The following CHM variants were observed in gnomAD, a reference collection of about 807,000 sequenced individuals.
The protein encoded by CHM is CHM Rab escort protein, also known as rab proteins geranylgeranyltransferase component A 1.
CHM carries 10 observed loss-of-function variants against 49.0 expected under a neutral mutation model. The observed-to-expected ratio is 0.20, with a 90% confidence interval of 0.13 to 0.35. The LOEUF (loss-of-function observed/expected upper bound fraction) is 0.35, where lower values mean the gene tolerates loss of function less well. Ranked by LOEUF, CHM falls within the 10% of genes least tolerant of loss-of-function variation. The pLI is 1.00. For synonymous variants in CHM, 184 were observed against 167.5 expected, an observed-to-expected ratio of 1.10 and a Z score of -0.76; for missense variants, 455 against 478.4, an observed-to-expected ratio of 0.95 and a Z score of 0.46.
At chrX:86,023,397 C>T (rs1933683743) in intron 2 of CHM, among the ~76,000 whole-genome samples, 1 of 110,754 alleles carries the variant, frequency 9.0e-6, no homozygotes, top group African/African-American at 3.3e-5. Context: ...ATGTTACTCC[C>T]AGCTCCAACC....
chrX:86,034,048 T>C (rs769573103), intron 1 of CHM, among the ~76,000 whole-genome samples: 15 of 111,843 alleles, frequency 1.3e-4, no homozygotes, highest in Non-Finnish European at 2.4e-4. Context: ...TCAAGAGTAC[T>C]GAATTAAGAA....
At chrX:85,969,015 G>A (rs1012204762) in intron 4 of CHM, 1 of 528,038 alleles carries the variant, frequency 1.9e-6, no homozygotes, top group Middle Eastern at 1.2e-3. Context: ...AGAAGTATTA[G>A]TGTTCGAGAA....
At chrX:85,867,662 G>C (rs1923782628) in intron 14 of CHM, among the ~76,000 whole-genome samples, 2 of 111,754 alleles carry the variant, frequency 1.8e-5, no homozygotes, top group East Asian at 5.6e-4. Flanking sequence ...CTGGCTCTAC[G>C]ATTTAGCAGT....
chrX:85,913,332 A>AAAAAAAAAAAGAAAG (rs762266365), intron 8 of CHM, among the ~76,000 whole-genome samples: 1 of 23,410 alleles, frequency 4.3e-5, no homozygotes, highest in African/African-American at 1.4e-4. Context: ...AAAAAAAAAA[A>AAAAAAAAAAAGAAAG]AAAGAAAGAA....
intron 1 of CHM, among the ~76,000 whole-genome samples, chrX:86,039,799 G>C (rs908422677): frequency 1.2e-4 from 13 of 111,519 alleles, no homozygotes; most frequent in African/African-American, 4.2e-4. Flanking sequence ...TTGGACATTA[G>C]AGACTACAGC....
At chrX:85,876,798 C>T (rs922378558) in intron 13 of CHM, among the ~76,000 whole-genome samples, 1 of 111,252 alleles carries the variant, frequency 9.0e-6, no homozygotes, top group Non-Finnish European at 1.9e-5. Flanking sequence ...AATGGGATCA[C>T]TTTAACTATT....
rs776869921 is a variant in CHM, at chrX:85,891,225, A to AACT, written c.1510+2962_1510+2963insAGT. On this transcript the variant is annotated intron_variant, in intron 12 of 14. Coordinates refer to ENST00000357749, the MANE Select transcript of CHM (RefSeq NM_000390.4). ...ATTTGCAGCTTGACGATGCAGTAGAAAACACATTTTTTGAGGAGAAATTCA... is the reference window on the plus strand; with the variant it reads ...ATTTGCAGCTTGACGATGCAGTAGAAACTAACACATTTTTTGAGGAGAAATTCA... Among the ~76,000 whole-genome samples, 490 of 112,415 alleles carry AACT rather than the reference A, an allele frequency of 4.4e-3. 1 individual carries two copies. Among genetic ancestry groups the AACT allele is most frequent in the Non-Finnish European group, 6.6e-3 (351 of 53,274 alleles).
intron 5 of CHM, among the ~76,000 whole-genome samples, chrX:85,961,196 C>T (rs1930275856): frequency 9.1e-6 from 1 of 110,167 alleles, no homozygotes; most frequent in Non-Finnish European, 1.9e-5. Flanking sequence ...CCAAGGCAGG[C>T]AGGTCACGGG....
intron 14 of CHM, among the ~76,000 whole-genome samples, chrX:85,868,018 A>AGTGT (rs1569391025): frequency 3.3e-4 from 29 of 87,154 alleles, no homozygotes; most frequent in African/African-American, 1.1e-3. Context: ...AATAGTTACC[A>AGTGT]CTGTGTGTGT....
intron 8 of CHM, among the ~76,000 whole-genome samples, chrX:85,942,348 A>T (rs1929160081): frequency 9.6e-6 from 1 of 103,875 alleles, no homozygotes; most frequent in African/African-American, 3.5e-5. Context: ...TTCCTTTTAT[A>T]AGGTCTTAAG....
At chrX:85,992,178 A>T (rs1932231044) in intron 2 of CHM, among the ~76,000 whole-genome samples, 1 of 111,910 alleles carries the variant, frequency 8.9e-6, no homozygotes, top group Non-Finnish European at 1.9e-5. Context: ...ATCTATTCAC[A>T]AACAGCAGAT....
chrX:85,903,932 C>A (rs1229329537), intron 9 of CHM, among the ~76,000 whole-genome samples: 1 of 111,029 alleles, frequency 9.0e-6, no homozygotes, highest in Non-Finnish European at 1.9e-5. Flanking sequence ...TAGGCTTAAG[C>A]AAAACTGCTC....
intron 8 of CHM, among the ~76,000 whole-genome samples, chrX:85,948,552 A>G (rs1389753142): frequency 1.8e-5 from 2 of 112,329 alleles, no homozygotes; most frequent in Non-Finnish European, 3.8e-5. Context: ...AGTTATCTCT[A>G]GTAGTTAAAA....
At chrX:85,892,759 C>T (rs140911790) in intron 12 of CHM, among the ~76,000 whole-genome samples, 2,387 of 111,260 alleles carry the variant, frequency 0.021, 80 homozygotes, top group African/African-American at 0.074. Flanking sequence ...TCAGACTTCC[C>T]ACTTTTCTGC....
intron 2 of CHM, among the ~76,000 whole-genome samples, chrX:86,008,095 A>G (rs1298823897): frequency 1.8e-5 from 2 of 111,930 alleles, no homozygotes; most frequent in Non-Finnish European, 1.9e-5. Flanking sequence ...GGATGAGTTC[A>G]TGTCCTTTGT....
At chrX:86,016,512 A>G (rs1361727066) in intron 2 of CHM, among the ~76,000 whole-genome samples, 1 of 112,543 alleles carries the variant, frequency 8.9e-6, no homozygotes, top group Non-Finnish European at 1.9e-5. Context: ...GGCCAATGTA[A>G]AGCTCAGGCC....
At chrX:85,999,090 G>GA (rs1277198507) in intron 2 of CHM, among the ~76,000 whole-genome samples, 26 of 107,057 alleles carry the variant, frequency 2.4e-4, no homozygotes, top group Admixed American at 1.5e-3. Context: ...CTCCTACCTA[G>GA]AAAAAAAAAA....
intron 2 of CHM, among the ~76,000 whole-genome samples, chrX:86,020,580 AAAT>A (rs1211372219): frequency 9.5e-6 from 1 of 105,652 alleles, no homozygotes; most frequent in East Asian, 2.9e-4. Context: ...TATATATTAC[AAAT>A]ATTACTATAT....
At chrX:85,965,594 C>CA (rs2147679464) in intron 4 of CHM, among the ~76,000 whole-genome samples, 1 of 107,439 alleles carries the variant, frequency 9.3e-6, no homozygotes, top group East Asian at 2.9e-4. Context: ...AAACTTGTTG[C>CA]AAAAAACACA....
Sources: gnomAD v4.1 joint callset for allele counts (sites outside exome capture counted in the v4.1 genomes callset) on GRCh38, gnomAD v4.1.1 for gene constraint, MANE v1.5 for transcripts, NCBI Gene and HGNC (gene_info 2026-07-23, HGNC 2026-07-21) for gene names.